TCTN2: variants seen among roughly 807,000 people sequenced by gnomAD.
TCTN2 encodes the protein tectonic-2.
TCTN2 carries 66 observed loss-of-function variants against 83.4 expected under a neutral mutation model. The observed-to-expected ratio is 0.79, with a 90% confidence interval of 0.65 to 0.97. The LOEUF is 0.97. TCTN2 is among the 50% of genes least tolerant of loss of function. The pLI is 0.00. For synonymous variants in TCTN2, 301 were observed against 326.7 expected (o/e 0.92, Z 0.85); for missense variants, 794 against 858.1 (o/e 0.93, Z 0.93).
intron 4 of TCTN2, among the ~76,000 whole-genome samples, chr12:123,678,333 G>A (rs1175776174): frequency 1.3e-5 from 2 of 152,178 alleles, no homozygotes; most frequent in Admixed American, 1.3e-4. Flanking sequence ...AAAGAATGTG[G>A]AATAGCTCAT....
chr12:123,691,456 G>A (rs1028309243), intron 8 of TCTN2, among the ~76,000 whole-genome samples: 5 of 152,170 alleles, frequency 3.3e-5, no homozygotes, highest in Non-Finnish European at 5.9e-5. Flanking sequence ...TGGTTCATCC[G>A]TGTTTGTAGT....
intron 9 of TCTN2, among the ~76,000 whole-genome samples, chr12:123,693,112 C>T (rs189858753): frequency 2.4e-3 from 362 of 149,132 alleles, no homozygotes; most frequent in Middle Eastern, 7.0e-3. Context: ...CTGCAACCTC[C>T]GCCTCCTGAG....
chr12:123,682,047 T>C (rs1433414556), intron 5 of TCTN2, among the ~76,000 whole-genome samples: 4 of 152,220 alleles, frequency 2.6e-5, no homozygotes, highest in African/African-American at 4.8e-5. Flanking sequence ...CACAGCTCAC[T>C]GCAGCCTCAA....
chr12:123,697,157 C>T lies in TCTN2; in HGVS notation c.1464C>T (p.Cys488=), dbSNP rs1956119055. 6.2e-7 allele frequency: 1 copy of T among 1,613,924 alleles called. No individual in the cohort carries two copies. The highest frequency in any genetic ancestry group is 8.5e-7 in the Non-Finnish European group (1 of 1,179,906). ...ILFGENVLSG[C]LLEVGINENC... Reference sequence around the variant, plus strand: ...TTGGAGAAAATGTACTCTCTGGATGCCTGTTAGAAGTCGGGATTAATGAAA... The same window carrying T: ...TTGGAGAAAATGTACTCTCTGGATGTCTGTTAGAAGTCGGGATTAATGAAA... The change falls in exon 13 of 18, where the codon TGC becomes TGT. Residue 488 remains cysteine, a synonymous_variant. Transcript: ENST00000303372.
At chr12:123,698,654 C>A in intron 13 of TCTN2, among the ~76,000 whole-genome samples, 1 of 152,052 alleles carries the variant, frequency 6.6e-6, no homozygotes. Context: ...TGCTCTCAAA[C>A]TGCTGGGCTC....
intron 9 of TCTN2, among the ~76,000 whole-genome samples, chr12:123,693,113 G>A (rs1289647412): frequency 3.2e-5 from 4 of 123,338 alleles, no homozygotes; most frequent in South Asian, 2.8e-4. Context: ...TGCAACCTCC[G>A]CCTCCTGAGT....
chr12:123,688,429 A>G (rs1278206831), intron 7 of TCTN2, among the ~76,000 whole-genome samples: 2 of 151,898 alleles, frequency 1.3e-5, no homozygotes, highest in African/African-American at 4.8e-5. Flanking sequence ...GTTGACCTGG[A>G]TGATCTCGAT....
chr12:123,707,164 A>G (rs1566265967), intron 17 of TCTN2, 91 bp downstream of exon 17: 4 of 1,060,848 alleles, frequency 3.8e-6, no homozygotes. Flanking sequence ...AAAGCATAAA[A>G]CATATAGAAA....
intron 11 of TCTN2, 83 bp from the exon 12 acceptor site, chr12:123,696,332 G>T: frequency 8.7e-7 from 1 of 1,147,648 alleles, no homozygotes; most frequent in Non-Finnish European, 1.3e-6. Context: ...CTTTCCTTGT[G>T]CATGACTCTT....
intron 13 of TCTN2, 137 bp from the exon 14 acceptor site, chr12:123,699,567 C>T: frequency 2.7e-6 from 2 of 748,336 alleles, no homozygotes; most frequent in South Asian, 1.5e-5. Flanking sequence ...TGGGTGACAC[C>T]CAGCCAGTTT....
intron 14 of TCTN2, among the ~76,000 whole-genome samples, chr12:123,702,442 C>A (rs1349282625): frequency 1.4e-5 from 2 of 145,684 alleles, no homozygotes; most frequent in Non-Finnish European, 3.0e-5. Context: ...GAGGACCCTC[C>A]CTTCCCCCTC....
rs377061448 is a variant in TCTN2 at position 123,690,554 on chromosome 12, A to G, written c.913A>G (p.Met305Val). The change falls in exon 8 of 18, where the codon ATG becomes GTG. Residue 305 changes from methionine to valine, a missense_variant. Physicochemically the swap from Met to Val is conservative, Grantham distance 21 (BLOSUM62 1). Transcript: ENST00000303372. ...TCAGGTGTCCCTGGCTGGGCAGTGT[A>G]TGCAGAACGCCCCAGTGGCATTTCT... ...IPQVSLAGQC[M>V]QNAPVAFLHN... 1.2e-6 allele frequency: 2 copies of G among 1,614,216 alleles called. No homozygotes were observed. Among genetic ancestry groups the G allele is most frequent in the Non-Finnish European group, 1.7e-6 (2 of 1,180,034 alleles).
At chr12:123,681,969 GT>G (rs567220157) in intron 5 of TCTN2, among the ~76,000 whole-genome samples, 1 of 151,992 alleles carries the variant, frequency 6.6e-6, no homozygotes, top group Non-Finnish European at 1.5e-5. Flanking sequence ...TTCCTTCTTT[GT>G]TTTTTTCTTT....
intron 13 of TCTN2, among the ~76,000 whole-genome samples, chr12:123,697,932 C>T (rs1264260765): frequency 1.3e-5 from 2 of 150,586 alleles, no homozygotes; most frequent in Non-Finnish European, 2.9e-5. Flanking sequence ...GCAATCATGG[C>T]TTACTGCAGC....
At chr12:123,676,365 G>A (rs1457520555) in intron 4 of TCTN2, among the ~76,000 whole-genome samples, 2 of 151,816 alleles carry the variant, frequency 1.3e-5, no homozygotes, top group Non-Finnish European at 2.9e-5. Context: ...TCAGGAGATC[G>A]AGACCATTCT....
rs140477835 is a variant in TCTN2, at chr12:123,699,831, A to G, written c.1612+21A>G. ...AATACGTAAGTCAAACCCGGGTACA[A>G]TAAAGCCTGTAACTTGGTTGCTGTG... On this transcript the variant is annotated intron_variant, in intron 14 of 17. Transcript: ENST00000303372. 893 of 1,587,274 alleles carry G rather than the reference A, an allele frequency of 5.6e-4. 6 individuals carry two copies. In the African/African-American group the frequency reaches 9.9e-3, roughly 18 times the overall value.
At chr12:123,687,453 C>T (rs943463294) in intron 6 of TCTN2, among the ~76,000 whole-genome samples, 2 of 151,746 alleles carry the variant, frequency 1.3e-5, no homozygotes, top group South Asian at 2.1e-4. Flanking sequence ...GTCAGGAGAT[C>T]GAGACCATCC....
chr12:123,693,452 A>G (rs1162858100), intron 9 of TCTN2, among the ~76,000 whole-genome samples: 1 of 102,796 alleles, frequency 9.7e-6, no homozygotes, highest in Non-Finnish European at 2.0e-5. Flanking sequence ...AGAGTTTGGC[A>G]GATTTTTTTT....
chr12:123,678,839 C>G (rs752689603), intron 4 of TCTN2, among the ~76,000 whole-genome samples: 1 of 151,784 alleles, frequency 6.6e-6, no homozygotes, highest in Non-Finnish European at 1.5e-5. Context: ...ACTGTGTCGC[C>G]CAGGTTGGAG....
Sources: allele counts gnomAD v4.1 joint callset (sites outside exome capture counted in the v4.1 genomes callset), GRCh38; gene constraint gnomAD v4.1.1; transcripts MANE v1.5; gene names NCBI Gene and HGNC (gene_info 2026-07-23, HGNC 2026-07-21).